PCDH15: variants seen among roughly 807,000 people sequenced by gnomAD.
PCDH15 encodes the protein protocadherin related 15.
Under a neutral mutation model 178.5 loss-of-function variants are expected in PCDH15, and 129 were observed. The observed-to-expected ratio is 0.72, with a 90% confidence interval of 0.63 to 0.84. The LOEUF (loss-of-function observed/expected upper bound fraction) is 0.84. PCDH15 is among the 40% of genes least tolerant of loss of function. The pLI, the probability that PCDH15 is intolerant of heterozygous loss-of-function variation, is 0.00. For missense variants in PCDH15, 2,230 were observed against 2,099.9 expected, an observed-to-expected ratio of 1.06 and a Z score of -1.21; for synonymous variants, 800 against 732.0, an observed-to-expected ratio of 1.09 and a Z score of -1.50.
At chr10:54,121,067 A>G (rs1012248768) in intron 15 of PCDH15, among the ~76,000 whole-genome samples, 1 of 136,716 alleles carries the variant, frequency 7.3e-6, no homozygotes, top group Non-Finnish European at 1.7e-5. Context: ...CAAATGAAAA[A>G]AAAAAAAGAA....
intron 2 of PCDH15, among the ~76,000 whole-genome samples, chr10:55,098,895 TGAGA>T (rs10535301): frequency 0.5 from 59,475 of 119,936 alleles, 15,814 homozygotes; most frequent in Non-Finnish European, 0.62. Flanking sequence ...AAAACTTCAA[TGAGA>T]GAGAGAGAGA....
intron 29 of PCDH15, among the ~76,000 whole-genome samples, chr10:53,835,029 A>C (rs1190138259): frequency 6.6e-6 from 1 of 152,222 alleles, no homozygotes; most frequent in Non-Finnish European, 1.5e-5. Flanking sequence ...TTTTCTGCTT[A>C]ATCAAGCAAA....
chr10:54,381,254 A>G (rs1164974396), intron 3 of PCDH15, among the ~76,000 whole-genome samples: 1 of 152,048 alleles, frequency 6.6e-6, no homozygotes, highest in African/African-American at 2.4e-5. Flanking sequence ...TCCTTAGAAG[A>G]ATACGTGACA....
intron 3 of PCDH15, among the ~76,000 whole-genome samples, chr10:54,456,789 G>C (rs111844903): frequency 1.3e-5 from 2 of 152,054 alleles, no homozygotes; most frequent in African/African-American, 2.4e-5. Context: ...TTATTTAATC[G>C]TGGGGTTGGT....
intron 19 of PCDH15, among the ~76,000 whole-genome samples, chr10:54,021,267 G>T (rs1396294786): frequency 6.6e-6 from 1 of 152,036 alleles, no homozygotes; most frequent in East Asian, 1.9e-4. Flanking sequence ...ACCGAATGGA[G>T]CAAGAATGAA....
At chr10:54,191,131 TGAAGAGTTCCCAAACCC>T (rs2048951155) in intron 11 of PCDH15, among the ~76,000 whole-genome samples, 1 of 152,168 alleles carries the variant, frequency 6.6e-6, no homozygotes, top group Non-Finnish European at 1.5e-5. Context: ...ATGAGTTTAT[TGAAGAGTTCCCAAACCC>T]TATTAAGTGC....
chr10:55,101,328 T>A (rs1364462688), intron 2 of PCDH15, among the ~76,000 whole-genome samples: 3 of 151,604 alleles, frequency 2.0e-5, no homozygotes, highest in East Asian at 3.9e-4. Context: ...TTTACAGTGA[T>A]CAGTGAGCTG....
At chr10:54,600,920 G>T (rs1364212345) in intron 2 of PCDH15, among the ~76,000 whole-genome samples, 2 of 151,940 alleles carry the variant, frequency 1.3e-5, no homozygotes, top group Admixed American at 1.3e-4. Flanking sequence ...TGTTGGAAGG[G>T]GGTCACTCAG....
chr10:53,959,443 G>T (rs1213846912), intron 23 of PCDH15, among the ~76,000 whole-genome samples: 1 of 151,784 alleles, frequency 6.6e-6, no homozygotes, highest in African/African-American at 2.4e-5. Flanking sequence ...TCACCATTCA[G>T]ATCATTAATT....
At chr10:54,462,667 C>T (rs2136495522) in intron 3 of PCDH15, among the ~76,000 whole-genome samples, 1 of 144,688 alleles carries the variant, frequency 6.9e-6, no homozygotes, top group South Asian at 2.2e-4. Flanking sequence ...GCACGTGTCA[C>T]CACACCTGCT....
chr10:54,314,467 T>C (rs1432688078), intron 8 of PCDH15, among the ~76,000 whole-genome samples: 2 of 152,074 alleles, frequency 1.3e-5, no homozygotes, highest in African/African-American at 4.8e-5. Context: ...CAAACAATGA[T>C]TAGTCATGGA....
At chr10:54,819,104 T>C (rs1279270823) in intron 3 of PCDH15, among the ~76,000 whole-genome samples, 1 of 152,068 alleles carries the variant, frequency 6.6e-6, no homozygotes, top group African/African-American at 2.4e-5. Flanking sequence ...ATATAAATTA[T>C]TTCAGAACAG....
chr10:54,608,927 C>T (rs188244607), intron 2 of PCDH15, among the ~76,000 whole-genome samples: 6 of 151,898 alleles, frequency 4.0e-5, no homozygotes, highest in Admixed American at 3.3e-4. Context: ...TAATCATACC[C>T]AAATTTTTAG....
chr10:54,287,257 G>T (rs2059087935), intron 8 of PCDH15, among the ~76,000 whole-genome samples: 1 of 152,116 alleles, frequency 6.6e-6, no homozygotes, highest in Admixed American at 6.6e-5. Flanking sequence ...ACCAAAGTAT[G>T]CACTTTGTAT....
chr10:54,314,083 T>C (rs1201168590), intron 8 of PCDH15, among the ~76,000 whole-genome samples: 1 of 151,880 alleles, frequency 6.6e-6, no homozygotes, highest in Non-Finnish European at 1.5e-5. Context: ...ACTAAAAATA[T>C]ATTTTTCTTT....
At chr10:54,746,589 T>C (rs1374502690) in intron 1 of PCDH15, among the ~76,000 whole-genome samples, 1 of 152,174 alleles carries the variant, frequency 6.6e-6, no homozygotes, top group Admixed American at 6.5e-5. Flanking sequence ...CCCATAAATA[T>C]ATTCACCTAT....
rs925084172 is a variant in PCDH15 at position 53,804,043 on chromosome 10, T to C, written c.*2536A>G. ...TCAGGGATTTATAGACTAGTGAAAG[T>C]TCTATGAAAGTAACTATTTAATTGA... On this transcript the variant is annotated 3_prime_UTR_variant, in exon 38 of 38. Transcript: ENST00000644397. 1 of 151,980 alleles carries C rather than the reference T, an allele frequency of 6.6e-6. No homozygotes were observed. Among genetic ancestry groups the C allele is most frequent in the Non-Finnish European group, 1.5e-5 (1 of 67,902 alleles). 9.4% of individuals were successfully genotyped at this position (151,980 alleles called of 1,614,324 possible).
At chr10:54,372,211 T>C (rs936570260) in intron 4 of PCDH15, among the ~76,000 whole-genome samples, 4 of 151,892 alleles carry the variant, frequency 2.6e-5, no homozygotes, top group Non-Finnish European at 5.9e-5. Context: ...GAGAGACCTA[T>C]AAAAACATTC....
At chr10:54,998,024 T>G (rs907718598) in intron 2 of PCDH15, among the ~76,000 whole-genome samples, 6 of 152,264 alleles carry the variant, frequency 3.9e-5, no homozygotes, top group African/African-American at 1.2e-4. Flanking sequence ...AGGCTTTCAC[T>G]AAAATGTAAG....
Sources: gnomAD v4.1 joint callset for allele counts (sites outside exome capture counted in the v4.1 genomes callset) on GRCh38, gnomAD v4.1.1 for gene constraint, MANE v1.5 for transcripts, NCBI Gene and HGNC (gene_info 2026-07-23, HGNC 2026-07-21) for gene names.